The following NARS2 variants were observed in gnomAD, a reference collection of about 807,000 sequenced individuals.
NARS2 encodes the protein asparaginyl-tRNA synthetase 2, mitochondrial.
In NARS2, 60 loss-of-function variants were observed where a neutral mutation model predicts 62.9. That is an observed-to-expected ratio of 0.95 (90% CI 0.77 to 1.18). The LOEUF (loss-of-function observed/expected upper bound fraction) is 1.18, where lower values mean the gene tolerates loss of function less well. NARS2 is among the 50% of genes most tolerant of loss of function. NARS2 has a pLI of 0.00. For synonymous variants in NARS2, 196 were observed against 200.0 expected, an observed-to-expected ratio of 0.98 and a Z score of 0.17; for missense variants, 619 against 576.4, an observed-to-expected ratio of 1.07 and a Z score of -0.76.
chr11:78,550,706 A>G (rs1199994607), intron 5 of NARS2, among the ~76,000 whole-genome samples: 1 of 152,210 alleles, frequency 6.6e-6, no homozygotes, highest in Non-Finnish European at 1.5e-5. Flanking sequence ...TGTTGAACTT[A>G]AGGTTTACAA....
chr11:78,529,229 A>G (rs1206862156), intron 5 of NARS2, among the ~76,000 whole-genome samples: 1 of 152,230 alleles, frequency 6.6e-6, no homozygotes, highest in Non-Finnish European at 1.5e-5. Flanking sequence ...TTAAGAGGCA[A>G]TCTAAGGCAA....
intron 4 of NARS2, among the ~76,000 whole-genome samples, chr11:78,565,008 T>G (rs765181827): frequency 1.2e-4 from 19 of 152,250 alleles, no homozygotes; most frequent in Non-Finnish European, 2.2e-4. Context: ...ATTAGGTGGA[T>G]CTGGAGAAGT....
At chr11:78,570,923 C>CA (rs1856899952) in intron 2 of NARS2, among the ~76,000 whole-genome samples, 1 of 151,552 alleles carries the variant, frequency 6.6e-6, no homozygotes, top group East Asian at 1.9e-4. Context: ...TATGGGAGCA[C>CA]AAAAAAGGGG....
intron 11 of NARS2, among the ~76,000 whole-genome samples, chr11:78,452,470 T>G (rs543982951): frequency 7.6e-4 from 115 of 152,192 alleles, no homozygotes; most frequent in Non-Finnish European, 3.5e-4. Flanking sequence ...TGCAGTGGTA[T>G]GAGTGTGGCT....
chr11:78,568,224 C>A (rs1466206213), intron 3 of NARS2, among the ~76,000 whole-genome samples: 1 of 152,144 alleles, frequency 6.6e-6, no homozygotes, highest in Non-Finnish European at 1.5e-5. Context: ...CACTGAGGAA[C>A]TGGATTTTTT....
At chr11:78,475,354 T>C (rs960043096) in intron 9 of NARS2, among the ~76,000 whole-genome samples, 1 of 152,190 alleles carries the variant, frequency 6.6e-6, no homozygotes, top group African/African-American at 2.4e-5. Context: ...CTATGAATAG[T>C]GCTGCAAAGA....
At chr11:78,446,597 G>C (rs544678817) in intron 11 of NARS2, among the ~76,000 whole-genome samples, 3 of 152,230 alleles carry the variant, frequency 2.0e-5, no homozygotes, top group African/African-American at 7.2e-5. Flanking sequence ...TAGTCAACCA[G>C]TGGCTCTCTG....
chr11:78,441,730 A>C (rs958692058), intron 12 of NARS2, among the ~76,000 whole-genome samples: 10 of 151,774 alleles, frequency 6.6e-5, no homozygotes, highest in Admixed American at 2.0e-4. Flanking sequence ...AAAAGAAAAG[A>C]AAAGCACTAT....
rs1856410179 is a variant in NARS2, at chr11:78,557,788, AATATGTAT to A, written c.594+1743_594+1750del. Among the ~76,000 whole-genome samples the A allele has an allele frequency of 2.0e-5, 3 of 148,386 alleles. No individual in the cohort carries two copies. In the South Asian group the frequency reaches 6.2e-4, roughly 31 times the overall value. ...TTTAGAGGTCAAGATATATATATAAAATATGTATATATATCATATATATCTTATATTAT... is the reference window on the plus strand; with the variant it reads ...TTTAGAGGTCAAGATATATATATAAAATATATCATATATATCTTATATTAT... On this transcript the variant is annotated intron_variant, in intron 5 of 13. Coordinates refer to ENST00000281038, the MANE Select transcript of NARS2 (RefSeq NM_024678.6).
intron 5 of NARS2, among the ~76,000 whole-genome samples, chr11:78,543,197 T>C (rs1855699413): frequency 6.6e-6 from 1 of 152,096 alleles, no homozygotes; most frequent in Non-Finnish European, 1.5e-5. Flanking sequence ...GAATAAGCCA[T>C]TATAAAGCAT....
chr11:78,519,825 C>T (rs528467624), intron 6 of NARS2, among the ~76,000 whole-genome samples: 39 of 152,042 alleles, frequency 2.6e-4, no homozygotes, highest in African/African-American at 5.1e-4. Context: ...CTCAGCTTCC[C>T]GAGTAGCTGG....
chr11:78,526,743 A>G (rs1861308916), intron 6 of NARS2, among the ~76,000 whole-genome samples: 1 of 152,184 alleles, frequency 6.6e-6, no homozygotes, highest in East Asian at 1.9e-4. Flanking sequence ...CACTAGTGGT[A>G]TTATAATAGA....
At chr11:78,466,160 C>A in intron 10 of NARS2, 147 bp from the exon 11 acceptor site, 1 of 765,730 alleles carries the variant, frequency 1.3e-6, no homozygotes, top group Non-Finnish European at 2.0e-6. Context: ...ACACAGCTGA[C>A]TAAACAAGAG....
chr11:78,567,876 C>T (rs970505567), intron 3 of NARS2, among the ~76,000 whole-genome samples: 2 of 152,180 alleles, frequency 1.3e-5, no homozygotes, highest in African/African-American at 4.8e-5. Flanking sequence ...TAAATTTCAG[C>T]TGTGCCACAT....
intron 4 of NARS2, among the ~76,000 whole-genome samples, chr11:78,561,280 A>G (rs1032245424): frequency 1.3e-5 from 2 of 152,272 alleles, no homozygotes; most frequent in African/African-American, 4.8e-5. Flanking sequence ...CCGTGCAAAC[A>G]AAGTCCAAAA....
At chr11:78,560,516 G>A (rs1310957071) in intron 4 of NARS2, among the ~76,000 whole-genome samples, 2 of 152,220 alleles carry the variant, frequency 1.3e-5, no homozygotes, top group African/African-American at 2.4e-5. Flanking sequence ...ATGTAGGATA[G>A]TACATGCTTA....
intron 4 of NARS2, among the ~76,000 whole-genome samples, chr11:78,564,969 C>G (rs1450692346): frequency 2.0e-5 from 3 of 152,202 alleles, no homozygotes; most frequent in African/African-American, 7.2e-5. Flanking sequence ...CAAGGGAAGT[C>G]TATAACCACT....
chr11:78,534,034 G>A (rs749953535), intron 5 of NARS2, among the ~76,000 whole-genome samples: 2 of 152,092 alleles, frequency 1.3e-5, no homozygotes, highest in East Asian at 3.9e-4. Context: ...AACAGATACA[G>A]TTTATTTCTC....
At chr11:78,475,890 C>A (rs141982431) in intron 9 of NARS2, among the ~76,000 whole-genome samples, 34 of 152,252 alleles carry the variant, frequency 2.2e-4, no homozygotes, top group Middle Eastern at 3.4e-3. Flanking sequence ...CATGAGCCAA[C>A]GTGTCTCATT....
Sources: allele counts gnomAD v4.1 joint callset (sites outside exome capture counted in the v4.1 genomes callset), GRCh38; gene constraint gnomAD v4.1.1; transcripts MANE v1.5; gene names NCBI Gene and HGNC (gene_info 2026-07-23, HGNC 2026-07-21).